PXDC1: variants seen among roughly 807,000 people sequenced by gnomAD.
PXDC1 encodes PX domain containing 1.
Under a neutral mutation model 24.4 loss-of-function variants are expected in PXDC1, and 13 were observed. The ratio of observed to expected loss-of-function variants is 0.53; its 90% CI spans 0.35 to 0.85. PXDC1 has a LOEUF of 0.85. Among genes scored for constraint, PXDC1 ranks in the 40% least tolerant of loss-of-function variants. The pLI is 0.01. For synonymous variants in PXDC1, 162 were observed against 124.9 expected, an observed-to-expected ratio of 1.30 and a Z score of -1.98; for missense variants, 344 against 309.3, an observed-to-expected ratio of 1.11 and a Z score of -0.84.
intron 1 of PXDC1, among the ~76,000 whole-genome samples, chr6:3,743,748 T>C (rs1467569610): frequency 6.6e-6 from 1 of 152,148 alleles, no homozygotes; most frequent in Non-Finnish European, 1.5e-5. Flanking sequence ...TGTCACGCAG[T>C]ATAACTGTAC....
chr6:3,747,105 C>T (rs1760588605), intron 1 of PXDC1, among the ~76,000 whole-genome samples: 1 of 152,072 alleles, frequency 6.6e-6, no homozygotes, highest in Non-Finnish European at 1.5e-5. Flanking sequence ...TAAAATGCCG[C>T]CTCCCAAGCT....
Position 3,727,521 on chromosome 6 carries a change from A to G in PXDC1, c.578+30T>C, listed in dbSNP as rs557662410. The G allele has an allele frequency of 2.7e-6, 4 of 1,487,154 alleles. No homozygotes were observed. In the South Asian group the frequency reaches 3.4e-5, roughly 13 times the overall value. 92.1% of individuals were successfully genotyped at this position (1,487,154 alleles called of 1,614,324 possible). On this transcript the variant is annotated intron_variant, in intron 4 of 4. Transcript: ENST00000380283. The stretch of plus-strand genomic sequence containing the variant: ...CAAGGCAAATGGCTCAGGACAGTCT[A>G]TGAAACGATATTCAAATCAGCATAC...
At chr6:3,740,230 G>A (rs1276712042) in intron 1 of PXDC1, among the ~76,000 whole-genome samples, 3 of 152,154 alleles carry the variant, frequency 2.0e-5, no homozygotes, top group Non-Finnish European at 2.9e-5. Flanking sequence ...CATATCTTTG[G>A]CTACATCTTT....
intron 1 of PXDC1, among the ~76,000 whole-genome samples, chr6:3,750,833 C>T (rs998185443): frequency 6.6e-6 from 1 of 151,944 alleles, no homozygotes; most frequent in African/African-American, 2.4e-5. Flanking sequence ...CCAGACCCGA[C>T]GCGACCCCCG....
intron 1 of PXDC1, among the ~76,000 whole-genome samples, chr6:3,748,873 G>A (rs1760632936): frequency 6.6e-6 from 1 of 152,186 alleles, no homozygotes; most frequent in Admixed American, 6.5e-5. Context: ...GAGAAAAGCC[G>A]GCATTGCAGC....
In PXDC1 at chr6:3,748,569, T is replaced by A. The variant is rs143929061; in HGVS notation, c.256+2707A>T. Reference sequence around the variant, plus strand: ...TCCAAGCACCACTCCACAGTGTGTGTGTGCAGAGAGAGAAAAAGCACATTC... The same window carrying A: ...TCCAAGCACCACTCCACAGTGTGTGAGTGCAGAGAGAGAAAAAGCACATTC... On this transcript the variant is annotated intron_variant, in intron 1 of 4. Coordinates refer to ENST00000380283, the MANE Select transcript of PXDC1 (RefSeq NM_183373.4). Among the ~76,000 whole-genome samples the A allele has an allele frequency of 4.1e-4, 63 of 152,262 alleles. 1 individual carries two copies. The East Asian group carries it at 9.1e-3, about 22-fold the overall frequency.
chr6:3,743,964 T>C (rs1561738956), intron 1 of PXDC1, among the ~76,000 whole-genome samples: 1 of 152,152 alleles, frequency 6.6e-6, no homozygotes, highest in African/African-American at 2.4e-5. Flanking sequence ...GGACCCAAGC[T>C]GGGGGCTGAG....
At chr6:3,731,818 G>A (rs1428584016) in intron 3 of PXDC1, among the ~76,000 whole-genome samples, 1 of 152,194 alleles carries the variant, frequency 6.6e-6, no homozygotes, top group African/African-American at 2.4e-5. Context: ...GTTTCAGAGT[G>A]ATTCGATTGA....
chr6:3,723,694 C>G lies in PXDC1; in HGVS notation c.621G>C (p.Gly207=). ...TGGTGACGTAGGCTGCTGGGTCGTC[C>G]CCGTCCTCCAGCTCTGAGGGAAACT... The part of the protein sequence containing the change: ...GSEFPSELED[G]DDPAAYVTNL... Residue 207 remains glycine (G), a synonymous_variant, in exon 5 of 5, where the codon GGG becomes GGC. Coordinates refer to ENST00000380283, the MANE Select transcript of PXDC1 (RefSeq NM_183373.4). 6.2e-7 allele frequency: 1 copy of G among 1,614,166 alleles called. No individual in the cohort carries two copies. The highest frequency in any genetic ancestry group is 8.5e-7 in the Non-Finnish European group (1 of 1,180,024).
In PXDC1 at chr6:3,723,539, G is replaced by C. The variant is rs953444757; in HGVS notation, c.*80C>G. The stretch of plus-strand genomic sequence containing the variant: ...GAGTTCCAGAGCTGGGGCAGCAGCT[G>C]TGACCATGGGGGCCAGCACAGTGGA... On this transcript the variant is annotated 3_prime_UTR_variant, in exon 5 of 5. Coordinates refer to ENST00000380283, the MANE Select transcript of PXDC1 (RefSeq NM_183373.4). 9.0e-7 allele frequency: 1 copy of C among 1,116,466 alleles called. No individual in the cohort carries two copies. Among genetic ancestry groups the C allele is most frequent in the Non-Finnish European group, 1.4e-6 (1 of 736,970 alleles). 69.2% of individuals were successfully genotyped at this position (1,116,466 alleles called of 1,614,324 possible). A position where few individuals can be genotyped will look rare whatever the true frequency, so the allele number is the denominator to read the frequency against.
At chr6:3,746,204 G>A (rs189026727) in intron 1 of PXDC1, among the ~76,000 whole-genome samples, 1 of 152,288 alleles carries the variant, frequency 6.6e-6, no homozygotes, top group Admixed American at 6.5e-5. Flanking sequence ...GTGAGCTCAG[G>A]TGTCGCCTGG....
chr6:3,737,260 C>T lies in PXDC1; in HGVS notation c.349-64G>A. 8.7e-7 allele frequency: 1 copy of T among 1,146,134 alleles called. No homozygotes were observed. Among genetic ancestry groups the T allele is most frequent in the Non-Finnish European group, 1.3e-6 (1 of 759,232 alleles). The allele number at this position is 1,146,134 out of a possible 1,614,324, so 71.0% of individuals were successfully genotyped here. A position where few individuals can be genotyped will look rare whatever the true frequency, so the allele number is the denominator to read the frequency against. On this transcript the variant is annotated intron_variant, in intron 2 of 4. Transcript: ENST00000380283. The surrounding 1 kb of genome is among the most constrained non-coding windows in gnomAD (Gnocchi z 5.5). The stretch of plus-strand genomic sequence containing the variant: ...TCTACACGTTGGCCCTGTCTGTCTA[C>T]CAAGAGAGGGCCCCGCTCCTCCGCA...
chr6:3,731,123 G>A (rs190596403), intron 3 of PXDC1, among the ~76,000 whole-genome samples: 1 of 152,238 alleles, frequency 6.6e-6, no homozygotes, highest in East Asian at 1.9e-4. Context: ...CCCCTATTTA[G>A]TAAAAATAAG....
In PXDC1 at chr6:3,743,649, A is replaced by G. The variant is rs565974697; in HGVS notation, c.257-5501T>C. Reference sequence around the variant, plus strand: ...AACTGACTAGCTGGTTATTCAATGCATAACTAAGCAACCCAGGGAAGTTCT... The same window carrying G: ...AACTGACTAGCTGGTTATTCAATGCGTAACTAAGCAACCCAGGGAAGTTCT... On this transcript the variant is annotated intron_variant, in intron 1 of 4. Transcript: ENST00000380283. 5.6e-4 allele frequency among the ~76,000 whole-genome samples: 86 copies of G among 152,384 alleles called. 1 individual carries two copies. Among genetic ancestry groups the G allele is most frequent in the African/African-American group, 2.0e-3 (85 of 41,594 alleles).
At position 3,751,689 on chromosome 6, in the gene PXDC1, G is replaced by T; in HGVS notation, c.-158C>A. ...AGGCTGCGTATGGCCCGCGTTCGGG[G>T]CAGCGGGGCGGCGCGGCGGCGAGTG... On this transcript the variant is annotated 5_prime_UTR_variant, in exon 1 of 5. Transcript: ENST00000380283. 8.9e-7 allele frequency: 1 copy of T among 1,124,012 alleles called. No individual in the cohort carries two copies. The highest frequency in any genetic ancestry group is 1.1e-6 in the Non-Finnish European group (1 of 895,166). The allele number at this position is 1,124,012 out of a possible 1,614,324, so 69.6% of individuals were successfully genotyped here. A position where few individuals can be genotyped will look rare whatever the true frequency, so the allele number is the denominator to read the frequency against.
chr6:3,737,625 G>T lies in PXDC1; in HGVS notation c.349-429C>A. 1.0e-6 allele frequency: 1 copy of T among 984,506 alleles called. No homozygotes were observed. The highest frequency in any genetic ancestry group is 1.2e-6 in the Non-Finnish European group (1 of 829,074). The allele number at this position is 984,506 out of a possible 1,614,324, so 61.0% of individuals were successfully genotyped here. On this transcript the variant is annotated intron_variant, in intron 2 of 4. Transcript: ENST00000380283. This position sits in a 1 kb window ranked among gnomAD's most constrained non-coding sequence, Gnocchi z 5.5. ...GAAGCCCGCAGGCTTACATGGAAAG[G>T]GAGTTGACGGTCAAATCCGGGCAAC... is the stretch of plus-strand genomic sequence containing the variant.
At chr6:3,750,200 T>C (rs1306784377) in intron 1 of PXDC1, among the ~76,000 whole-genome samples, 1 of 152,226 alleles carries the variant, frequency 6.6e-6, no homozygotes, top group Non-Finnish European at 1.5e-5. Flanking sequence ...GCACAGGTTA[T>C]CTCAAGAACG....
intron 1 of PXDC1, among the ~76,000 whole-genome samples, chr6:3,743,521 T>C (rs913326811): frequency 1.3e-5 from 2 of 152,066 alleles, no homozygotes; most frequent in African/African-American, 4.8e-5. Context: ...ATAATACACA[T>C]CTTGGAAACT....
rs1759974649 is a variant in PXDC1, at chr6:3,723,059, G to C, written c.*560C>G. 1 of 151,568 alleles carries C rather than the reference G, an allele frequency of 6.6e-6. No individual in the cohort carries two copies. Among genetic ancestry groups the C allele is most frequent in the Non-Finnish European group, 1.5e-5 (1 of 68,234 alleles). 9.4% of individuals were successfully genotyped at this position (151,568 alleles called of 1,614,324 possible). On this transcript the variant is annotated 3_prime_UTR_variant, in exon 5 of 5. Coordinates refer to ENST00000380283, the MANE Select transcript of PXDC1 (RefSeq NM_183373.4). ...TACTCCTGGGGTTGACCCAAACCCA[G>C]TTTCCAGATAAAAGATAAAAAGAAA...
Sources: allele counts gnomAD v4.1 joint callset (sites outside exome capture counted in the v4.1 genomes callset), GRCh38; gene constraint gnomAD v4.1.1; non-coding constraint Gnocchi (gnomAD v3.1); transcripts MANE v1.5; gene names NCBI Gene and HGNC (gene_info 2026-07-23, HGNC 2026-07-21).